The following DPP10 variants were observed in gnomAD, a reference collection of about 807,000 sequenced individuals.
DPP10 encodes inactive dipeptidyl peptidase 10.
A neutral mutation model predicts 120.9 loss-of-function variants in DPP10; 33 were observed. The ratio of observed to expected loss-of-function variants is 0.27; its 90% CI spans 0.21 to 0.37. The LOEUF (loss-of-function observed/expected upper bound fraction) is 0.37, where lower values mean the gene tolerates loss of function less well. DPP10 is among the 10% of genes least tolerant of loss of function. The pLI is 1.00. For synonymous variants in DPP10, 337 were observed against 326.1 expected (o/e 1.03, Z -0.36); for missense variants, 816 against 942.8 (o/e 0.87, Z 1.76).
chr2:114,494,265 G>A (rs151071477), intron 1 of DPP10, among the ~76,000 whole-genome samples: 2 of 152,194 alleles, frequency 1.3e-5, no homozygotes, highest in African/African-American at 2.4e-5. Flanking sequence ...TATAAAATGG[G>A]AATAATAATA....
chr2:115,191,742 A>G (rs960737886), intron 1 of DPP10, among the ~76,000 whole-genome samples: 6 of 152,094 alleles, frequency 3.9e-5, no homozygotes, highest in Non-Finnish European at 7.3e-5. Context: ...GATCCTTCCC[A>G]GGCCGGTTCG....
intron 1 of DPP10, among the ~76,000 whole-genome samples, chr2:115,020,835 C>T (rs987029992): frequency 1.2e-4 from 18 of 152,058 alleles, no homozygotes; most frequent in African/African-American, 3.6e-4. Context: ...AGACCACAGT[C>T]GAATACAATT....
chr2:114,642,814 T>C (rs1448447850), intron 1 of DPP10, among the ~76,000 whole-genome samples: 1 of 151,966 alleles, frequency 6.6e-6, no homozygotes, highest in Non-Finnish European at 1.5e-5. Flanking sequence ...GGGATTAATA[T>C]GTGCAGAACT....
intron 19 of DPP10, among the ~76,000 whole-genome samples, chr2:115,800,074 C>T (rs1271083915): frequency 6.6e-6 from 1 of 150,752 alleles, no homozygotes; most frequent in Non-Finnish European, 1.5e-5. Flanking sequence ...GTTCCTATTT[C>T]TCCACATCCT....
intron 1 of DPP10, among the ~76,000 whole-genome samples, chr2:115,249,935 G>T (rs150316588): frequency 6.6e-6 from 1 of 152,106 alleles, no homozygotes; most frequent in Non-Finnish European, 1.5e-5. Flanking sequence ...TTGAATTATT[G>T]CAATGGGTGA....
chr2:115,534,714 T>G (rs1011735354), intron 5 of DPP10, among the ~76,000 whole-genome samples: 42 of 150,100 alleles, frequency 2.8e-4, no homozygotes, highest in East Asian at 5.9e-4. Context: ...TGAACTAGTT[T>G]ACAGTCCCAC....
chr2:114,792,773 A>G (rs1369628437), intron 1 of DPP10, among the ~76,000 whole-genome samples: 1 of 152,172 alleles, frequency 6.6e-6, no homozygotes, highest in East Asian at 1.9e-4. Flanking sequence ...TATTGTATTC[A>G]TGTCAGAAAT....
intron 5 of DPP10, among the ~76,000 whole-genome samples, chr2:115,603,557 G>GT (rs2083485579): frequency 4.0e-5 from 1 of 25,278 alleles, no homozygotes; most frequent in African/African-American, 2.0e-4. Context: ...TTTCGTTGTT[G>GT]TTGTTTTTTT....
chr2:114,604,219 G>C (rs1012850890), intron 1 of DPP10, among the ~76,000 whole-genome samples: 7 of 152,006 alleles, frequency 4.6e-5, no homozygotes, highest in Non-Finnish European at 7.4e-5. Context: ...TGCATAAACA[G>C]GCAAGGCACG....
intron 3 of DPP10, among the ~76,000 whole-genome samples, chr2:115,403,018 G>A (rs897206903): frequency 6.7e-6 from 1 of 148,426 alleles, no homozygotes; most frequent in Admixed American, 6.8e-5. Context: ...AATCCTCAAC[G>A]AAACTATTAG....
At chr2:115,124,818 TAC>T (rs1456555718) in intron 1 of DPP10, among the ~76,000 whole-genome samples, 1 of 152,228 alleles carries the variant, frequency 6.6e-6, no homozygotes, top group African/African-American at 2.4e-5. Context: ...AACAAATAGT[TAC>T]AGTTATAGAA....
intron 4 of DPP10, among the ~76,000 whole-genome samples, chr2:115,524,749 C>T (rs77691246): frequency 1.3e-5 from 2 of 152,248 alleles, no homozygotes; most frequent in African/African-American, 2.4e-5. Flanking sequence ...TCTGATGTTG[C>T]AGTCGCATTA....
intron 1 of DPP10, among the ~76,000 whole-genome samples, chr2:115,101,990 G>T (rs1451657874): frequency 6.6e-6 from 1 of 152,216 alleles, no homozygotes; most frequent in Non-Finnish European, 1.5e-5. Flanking sequence ...AGTTAACATA[G>T]AGTTACATAA....
chr2:115,483,479 C>CTA (rs3980957), intron 3 of DPP10, among the ~76,000 whole-genome samples: 1 of 144,174 alleles, frequency 6.9e-6, no homozygotes, highest in East Asian at 2.1e-4. Flanking sequence ...ATCTATCTAT[C>CTA]TGTATGTGTA....
intron 3 of DPP10, among the ~76,000 whole-genome samples, chr2:115,487,396 A>G (rs1166446543): frequency 1.6e-5 from 1 of 62,994 alleles, no homozygotes; most frequent in Admixed American, 2.1e-4. Context: ...TTCATATGGA[A>G]CCAAAAAAGA....
At chr2:115,411,473 C>T (rs956381766) in intron 3 of DPP10, among the ~76,000 whole-genome samples, 5 of 152,064 alleles carry the variant, frequency 3.3e-5, no homozygotes, top group African/African-American at 1.2e-4. Context: ...GACTATATTA[C>T]CTTGATAAAG....
intron 1 of DPP10, among the ~76,000 whole-genome samples, chr2:114,653,923 A>G (rs771802937): frequency 2.3e-4 from 35 of 152,208 alleles, no homozygotes; most frequent in Non-Finnish European, 3.7e-4. Flanking sequence ...TCGCTTTTCT[A>G]GATAGGCATC....
intron 1 of DPP10, among the ~76,000 whole-genome samples, chr2:114,647,553 T>C (rs1696233464): frequency 1.3e-5 from 2 of 152,044 alleles, no homozygotes; most frequent in Middle Eastern, 3.2e-3. Context: ...ACACCTGTAA[T>C]GAAATCCATA....
chr2:115,422,665 T>C (rs929181921), intron 3 of DPP10, among the ~76,000 whole-genome samples: 1 of 152,162 alleles, frequency 6.6e-6, no homozygotes, highest in Non-Finnish European at 1.5e-5. Flanking sequence ...ATGATTTTAG[T>C]CCTTTAAATA....
Sources: allele counts gnomAD v4.1 joint callset (sites outside exome capture counted in the v4.1 genomes callset), GRCh38; gene constraint gnomAD v4.1.1; transcripts MANE v1.5; gene names NCBI Gene and HGNC (gene_info 2026-07-23, HGNC 2026-07-21).